The following MACROD2 variants were observed in gnomAD, a reference collection of about 807,000 sequenced individuals.
The protein encoded by MACROD2 is mono-ADP ribosylhydrolase 2, also known as ADP-ribose glycohydrolase MACROD2.
A neutral mutation model predicts 70.4 loss-of-function variants in MACROD2; 36 were observed. That is an observed-to-expected ratio of 0.51 (90% CI 0.39 to 0.68). MACROD2 has a LOEUF of 0.68. Ranked by LOEUF, MACROD2 falls within the 30% of genes least tolerant of loss-of-function variation. The pLI is 0.00. For missense variants in MACROD2, 496 were observed against 538.4 expected (o/e 0.92, Z 0.78); for synonymous variants, 172 against 178.8 (o/e 0.96, Z 0.30).
intron 2 of MACROD2, among the ~76,000 whole-genome samples, chr20:14,007,412 C>G (rs916249592): frequency 1.3e-5 from 2 of 152,054 alleles, no homozygotes; most frequent in African/African-American, 4.8e-5. Flanking sequence ...CTCTTCCTCC[C>G]TCTCAACATG....
intron 8 of MACROD2, among the ~76,000 whole-genome samples, chr20:15,757,019 T>G (rs2051358495): frequency 6.6e-6 from 1 of 152,246 alleles, no homozygotes; most frequent in Admixed American, 6.5e-5. Context: ...AATTATGATT[T>G]ATTTAAAAGC....
intron 12 of MACROD2, among the ~76,000 whole-genome samples, chr20:15,958,798 C>T (rs1000893878): frequency 3.9e-5 from 6 of 152,040 alleles, no homozygotes; most frequent in East Asian, 1.9e-4. Flanking sequence ...TTGGTCCCCA[C>T]GATAGAATTA....
At chr20:15,921,154 A>G (rs974856266) in intron 10 of MACROD2, among the ~76,000 whole-genome samples, 5 of 152,078 alleles carry the variant, frequency 3.3e-5, no homozygotes, top group African/African-American at 1.2e-4. Flanking sequence ...ACTCCCAGCA[A>G]AGGGCACAAA....
intron 5 of MACROD2, among the ~76,000 whole-genome samples, chr20:14,977,619 A>G (rs112266799): frequency 0.015 from 2,267 of 152,110 alleles, 39 homozygotes; most frequent in Admixed American, 0.041. Context: ...TGATACCCAC[A>G]TTATAGGGTG....
intron 8 of MACROD2, among the ~76,000 whole-genome samples, chr20:15,847,294 A>G (rs2064244405): frequency 6.6e-6 from 1 of 151,986 alleles, no homozygotes; most frequent in Non-Finnish European, 1.5e-5. Context: ...CGGCAGCATT[A>G]TTTTAGGAAT....
chr20:15,348,667 G>T (rs1475568122), intron 6 of MACROD2, among the ~76,000 whole-genome samples: 1 of 152,126 alleles, frequency 6.6e-6, no homozygotes, highest in Admixed American at 6.5e-5. Context: ...CATCTTACAT[G>T]GTGGGAAGCA....
rs748924057 is a variant in MACROD2, at chr20:15,142,251, C to G, written c.419-87689C>G. On this transcript the variant is annotated intron_variant, in intron 5 of 17. Transcript: ENST00000684519. ...AGTGAAGACAAAAATTAATTCCAAGCTAAAAAATGTTGCTAAAACTTTGAA... is the reference window on the plus strand; with the variant it reads ...AGTGAAGACAAAAATTAATTCCAAGGTAAAAAATGTTGCTAAAACTTTGAA... Among the ~76,000 whole-genome samples the G allele has an allele frequency of 3.8e-4, 58 of 152,204 alleles. No homozygotes were observed. In the Middle Eastern group the frequency reaches 0.01, roughly 27 times the overall value.
At chr20:14,660,388 A>G (rs2048156077) in intron 4 of MACROD2, among the ~76,000 whole-genome samples, 1 of 152,232 alleles carries the variant, frequency 6.6e-6, no homozygotes, top group South Asian at 2.1e-4. Flanking sequence ...GTTCTCCTTC[A>G]TAAATACTTT....
chr20:14,008,102 G>A (rs1248606700), intron 2 of MACROD2, among the ~76,000 whole-genome samples: 1 of 152,164 alleles, frequency 6.6e-6, no homozygotes, highest in East Asian at 1.9e-4. Flanking sequence ...ATTCAAGATA[G>A]TGTTGGGAGT....
intron 4 of MACROD2, among the ~76,000 whole-genome samples, chr20:14,537,760 GA>G (rs2085383561): frequency 6.6e-6 from 1 of 152,122 alleles, no homozygotes; most frequent in South Asian, 2.1e-4. Flanking sequence ...TGACCAAAAG[GA>G]AAAGTTGGAA....
chr20:15,924,501 C>G (rs920934548), intron 10 of MACROD2, among the ~76,000 whole-genome samples: 1 of 152,152 alleles, frequency 6.6e-6, no homozygotes, highest in Admixed American at 6.5e-5. Flanking sequence ...GAGGAAACAA[C>G]TTTTTTTTAT....
chr20:14,869,137 A>G (rs986071585), intron 5 of MACROD2, among the ~76,000 whole-genome samples: 18 of 152,136 alleles, frequency 1.2e-4, no homozygotes, highest in Non-Finnish European at 1.2e-4. Context: ...TCCTGTGTTG[A>G]TGGTTGTTGT....
intron 8 of MACROD2, among the ~76,000 whole-genome samples, chr20:15,734,956 GT>G (rs1253125077): frequency 6.6e-6 from 1 of 151,924 alleles, no homozygotes; most frequent in Non-Finnish European, 1.5e-5. Context: ...TGAGTTTTGT[GT>G]TTGTTTGTTT....
intron 5 of MACROD2, among the ~76,000 whole-genome samples, chr20:15,210,456 A>G (rs2076752173): frequency 6.6e-6 from 1 of 151,226 alleles, no homozygotes; most frequent in Non-Finnish European, 1.5e-5. Flanking sequence ...ATAATTAACC[A>G]TTTCATCTGT....
intron 5 of MACROD2, among the ~76,000 whole-genome samples, chr20:15,059,249 G>A (rs753083432): frequency 1.3e-5 from 2 of 152,084 alleles, no homozygotes; most frequent in Non-Finnish European, 2.9e-5. Context: ...GCTGGGTGTG[G>A]TGGCGCATGC....
intron 5 of MACROD2, among the ~76,000 whole-genome samples, chr20:14,761,319 T>G (rs1168700828): frequency 2.0e-5 from 3 of 152,136 alleles, no homozygotes; most frequent in South Asian, 2.1e-4. Context: ...GGACTGGCTT[T>G]CTTTCTCCAT....
chr20:14,632,569 GTTA>G (rs531768091), intron 4 of MACROD2, among the ~76,000 whole-genome samples: 133 of 152,106 alleles, frequency 8.7e-4, no homozygotes, highest in African/African-American at 3.0e-3. Flanking sequence ...CTGTTTTTAT[GTTA>G]TTATTGATAG....
intron 6 of MACROD2, among the ~76,000 whole-genome samples, chr20:15,357,766 AATG>A (rs904849359): frequency 3.3e-5 from 5 of 151,980 alleles, no homozygotes; most frequent in African/African-American, 1.2e-4. Flanking sequence ...TCAAGGTAAA[AATG>A]ATGACCACAT....
intron 5 of MACROD2, among the ~76,000 whole-genome samples, chr20:14,813,390 C>A (rs2072737865): frequency 7.0e-6 from 1 of 143,404 alleles, no homozygotes; most frequent in Non-Finnish European, 1.5e-5. Flanking sequence ...TATGTTGTTT[C>A]CCTCCCTGTG....
Sources: gnomAD v4.1 joint callset for allele counts (sites outside exome capture counted in the v4.1 genomes callset) on GRCh38, gnomAD v4.1.1 for gene constraint, MANE v1.5 for transcripts, NCBI Gene and HGNC (gene_info 2026-07-23, HGNC 2026-07-21) for gene names.